Variants in MBD6 observed in about 807,000 individuals in gnomAD.
MBD6 encodes methyl-CpG binding domain protein 6.
A neutral mutation model predicts 66.8 loss-of-function variants in MBD6; 22 were observed. The ratio of observed to expected loss-of-function variants is 0.33; its 90% confidence interval spans 0.24 to 0.47. The LOEUF (loss-of-function observed/expected upper bound fraction) is 0.47. Among genes scored for constraint, MBD6 ranks in the 20% least tolerant of loss-of-function variants. The pLI is 1.00. For synonymous variants in MBD6, 540 were observed against 534.6 expected (o/e 1.01, Z -0.14); for missense variants, 1,322 against 1,286.9 (o/e 1.03, Z -0.42).
chr12:57,528,413 C>G lies in MBD6; in HGVS notation c.2673C>G (p.Leu891=). The G allele has an allele frequency of 6.2e-7, 1 of 1,613,282 alleles. No individual in the cohort carries two copies. Among genetic ancestry groups the G allele is most frequent in the African/African-American group, 1.3e-5 (1 of 75,054 alleles). The part of the protein sequence containing the change: ...GSRREPGRLA[L]KWGTRGGFNG... The stretch of plus-strand genomic sequence containing the variant: ...GGCGGGAGCCTGGCCGACTGGCCCT[C>G]AAATGGGGGACACGTGGTGGCTTCA... The change falls in exon 10 of 13, where the codon CTC becomes CTG. Residue 891 remains leucine (L), a synonymous_variant. Transcript: ENST00000355673.
intron 4 of MBD6, 45 bp from the exon 5 acceptor site, chr12:57,524,908 G>C: frequency 1.2e-6 from 2 of 1,605,760 alleles, no homozygotes; most frequent in South Asian, 1.1e-5. Context: ...CCTTCTCACA[G>C]GTTCCAGCCC....
Position 57,525,638 on chromosome 12 carries a change from G to C in MBD6, c.670G>C (p.Ala224Pro), listed in dbSNP as rs942203885. Residue 224 changes from alanine (A) to proline (P), a missense_variant, in exon 6 of 13, where the codon GCT becomes CCT. Ala to Pro is a conservative substitution (Grantham distance 27). Coordinates refer to ENST00000355673, the MANE Select transcript of MBD6 (RefSeq NM_052897.4). ...TCCTCCACCTGCTATCAGCCTCAATGCTCCCTCATACAACTGGGGAGCTGC... is the reference window on the plus strand; with the variant it reads ...TCCTCCACCTGCTATCAGCCTCAATCCTCCCTCATACAACTGGGGAGCTGC... ...PPPPPAISLN[A>P]PSYNWGAALR... The C allele has an allele frequency of 6.2e-6, 10 of 1,613,550 alleles. No individual in the cohort carries two copies. Among genetic ancestry groups the C allele is most frequent in the South Asian group, 5.5e-5 (5 of 91,064 alleles).
In MBD6 at chr12:57,525,124, T is replaced by C; in HGVS notation, c.379+9T>C. The C allele has an allele frequency of 6.2e-7, 1 of 1,603,366 alleles. No homozygotes were observed. The highest frequency in any genetic ancestry group is 8.5e-7 in the Non-Finnish European group (1 of 1,176,994). On this transcript the variant is annotated intron_variant, in intron 5 of 12. Transcript: ENST00000355673. Reference sequence around the variant, plus strand: ...CTCACACTCTTCTCCTGGTGAGTCTTCTGCCACTTTACAGAAGACCGAGGA... The same window carrying C: ...CTCACACTCTTCTCCTGGTGAGTCTCCTGCCACTTTACAGAAGACCGAGGA...
intron 7 of MBD6, 91 bp downstream of exon 7, chr12:57,527,318 C>T: frequency 8.9e-7 from 1 of 1,118,714 alleles, no homozygotes; most frequent in Non-Finnish European, 1.3e-6. Flanking sequence ...CATTCCTGAG[C>T]TCTTCCTTGG....
At position 57,526,972 on chromosome 12, in the gene MBD6, CCTT is replaced by C; in HGVS notation, c.1832_1834del (p.Leu611del). The C allele has an allele frequency of 3.7e-6, 6 of 1,613,780 alleles. No homozygotes were observed. The highest frequency in any genetic ancestry group is 1.7e-4 in the Middle Eastern group (1 of 6,060). On this transcript the variant is annotated inframe_deletion, in exon 7 of 13. Coordinates refer to ENST00000355673, the MANE Select transcript of MBD6 (RefSeq NM_052897.4). Reference sequence around the variant, plus strand: ...CCTTGCTTCCTCCACCACCCTCAGACCTTCTTCCACCTCCTTCAGCACCTCCCA... The same window carrying C: ...CCTTGCTTCCTCCACCACCCTCAGACCTTCCACCTCCTTCAGCACCTCCCA...
In MBD6 at chr12:57,529,212, A is replaced by G. The variant is rs199628867; in HGVS notation, c.2990A>G (p.Lys997Arg). ...RARPGRPAKNKRRKLAP is the reference protein window; with the variant it reads ...RARPGRPAKNRRRKLAP Reference sequence around the variant, plus strand: ...CGCCCTGGCCGTCCTGCCAAAAACAAGAGGAGGAAACTGGCCCCATAGCAG... The same window carrying G: ...CGCCCTGGCCGTCCTGCCAAAAACAGGAGGAGGAAACTGGCCCCATAGCAG... Residue 997 changes from lysine to arginine, a missense_variant, in exon 13 of 13, where the codon AAG becomes AGG. Lys to Arg is a conservative substitution (Grantham distance 26). Coordinates refer to ENST00000355673, the MANE Select transcript of MBD6 (RefSeq NM_052897.4). The G allele has an allele frequency of 7.1e-5, 114 of 1,613,852 alleles. 1 individual carries two copies. The highest frequency in any genetic ancestry group is 4.9e-5 in the Non-Finnish European group (58 of 1,179,964).
chr12:57,522,749 T>TGCGGCGGCGGCG (rs1878459098), upstream of MBD6: 1 of 66,026 alleles, frequency 1.5e-5, no homozygotes, highest in Non-Finnish European at 3.1e-5. Flanking sequence ...CGGCGGCGGC[T>TGCGGCGGCGGCG]GCGGCAGCGA....
Position 57,527,109 on chromosome 12 carries a change from G to C in MBD6, c.1964G>C (p.Gly655Ala), listed in dbSNP as rs142613041. Residue 655 changes from glycine to alanine, a missense_variant, in exon 7 of 13, where the codon GGC becomes GCC. Coordinates refer to ENST00000355673, the MANE Select transcript of MBD6 (RefSeq NM_052897.4). Reference sequence around the variant, plus strand: ...GGTCCAAGTGGGGAGCCATTTTCAGGCTTGGGAGACCTGTCCCCCCTACTT... The same window carrying C: ...GGTCCAAGTGGGGAGCCATTTTCAGCCTTGGGAGACCTGTCCCCCCTACTT... ...AGGPSGEPFS[G>A]LGDLSPLLFP... The C allele has an allele frequency of 3.2e-4, 510 of 1,591,126 alleles. No homozygotes were observed. Among genetic ancestry groups the C allele is most frequent in the Non-Finnish European group, 4.2e-4 (495 of 1,166,614 alleles).
rs201065336 is a variant in MBD6, at chr12:57,527,128, C to T, written c.1983C>T (p.Pro661=). ...EPFSGLGDLS[P]LLFPPLSAPP... Reference sequence around the variant, plus strand: ...TTTCAGGCTTGGGAGACCTGTCCCCCCTACTTTTCCCCCCACTTTCAGCCC... The same window carrying T: ...TTTCAGGCTTGGGAGACCTGTCCCCTCTACTTTTCCCCCCACTTTCAGCCC... The change falls in exon 7 of 13, where the codon CCC becomes CCT. Residue 661 remains proline (P), a synonymous_variant. Transcript: ENST00000355673. 7.8e-6 allele frequency: 12 copies of T among 1,534,840 alleles called. No homozygotes were observed. The highest frequency in any genetic ancestry group is 1.1e-5 in the Non-Finnish European group (12 of 1,128,338).
At chr12:57,521,963 T>G (rs947898819), upstream of MBD6, 1 of 152,094 alleles carries the variant, frequency 6.6e-6, no homozygotes, top group African/African-American at 2.4e-5. Flanking sequence ...ATAAAAGTTG[T>G]GAAGGTAAAA....
chr12:57,522,774 G>T (rs1194467333), upstream of MBD6: 2 of 159,306 alleles, frequency 1.3e-5, no homozygotes, highest in Admixed American at 6.6e-5. Context: ...GGCGGCGGCA[G>T]CGGCAGCAGC....
In MBD6 at chr12:57,529,346, C is replaced by A; in HGVS notation, c.*112C>A. The A allele has an allele frequency of 9.9e-7, 1 of 1,006,022 alleles. No homozygotes were observed. The highest frequency in any genetic ancestry group is 1.5e-6 in the Non-Finnish European group (1 of 666,576). 62.3% of individuals were successfully genotyped at this position (1,006,022 alleles called of 1,614,324 possible). A position where few individuals can be genotyped will look rare whatever the true frequency, so the allele number is the denominator to read the frequency against. The stretch of plus-strand genomic sequence containing the variant: ...GGACAGTGGGTGGGGGCACTACTCC[C>A]CACTCAGAGCACAAATGCAACTCCT... On this transcript the variant is annotated 3_prime_UTR_variant, in exon 13 of 13. Coordinates refer to ENST00000355673, the MANE Select transcript of MBD6 (RefSeq NM_052897.4).
At position 57,526,834 on chromosome 12, in the gene MBD6, G is replaced by A; in HGVS notation, c.1689G>A (p.Val563=). 6.2e-7 allele frequency: 1 copy of A among 1,613,386 alleles called. No homozygotes were observed. The highest frequency in any genetic ancestry group is 8.5e-7 in the Non-Finnish European group (1 of 1,179,682). ...TGCTCAACCACAGTTTATTTGGTGTGCTGACTGGGGGAGGAGGACAACCTC... is the reference window on the plus strand; with the variant it reads ...TGCTCAACCACAGTTTATTTGGTGTACTGACTGGGGGAGGAGGACAACCTC... ...SPLLNHSLFG[V]LTGGGGQPPP... The change falls in exon 7 of 13, where the codon GTG becomes GTA. Residue 563 remains valine, a synonymous_variant. Transcript: ENST00000355673.
At chr12:57,528,123 G>C in intron 9 of MBD6, 24 bp from the exon 10 acceptor site, 1 of 1,566,012 alleles carries the variant, frequency 6.4e-7, no homozygotes, top group Non-Finnish European at 8.6e-7. Flanking sequence ...GAGATTGACT[G>C]AGAACTTATT....
chr12:57,522,343 ACCTGGGGAGGCGGGTCAAGTC>A (rs1878407481), upstream of MBD6, among the ~76,000 whole-genome samples: 1 of 152,112 alleles, frequency 6.6e-6, no homozygotes, highest in Admixed American at 6.5e-5. Flanking sequence ...TGACATGTTG[ACCTGGGGAGGCGGGTCAAGTC>A]CCAGCACACT....
chr12:57,524,636 C>T (rs765830356), intron 3 of MBD6, 84 bp from the exon 4 acceptor site: 13 of 1,286,606 alleles, frequency 1.0e-5, no homozygotes, highest in Non-Finnish European at 1.5e-5. Context: ...CTAGGAGGAT[C>T]TGTAACTTAA....
In MBD6 at chr12:57,526,686, G is replaced by A. The variant is rs1235430598; in HGVS notation, c.1541G>A (p.Gly514Asp). 6.5e-7 allele frequency: 1 copy of A among 1,531,446 alleles called. No individual in the cohort carries two copies. Among genetic ancestry groups the A allele is most frequent in the African/African-American group, 1.4e-5 (1 of 72,114 alleles). The allele number at this position is 1,531,446 out of a possible 1,614,324, so 94.9% of individuals were successfully genotyped here. The change falls in exon 7 of 13, where the codon GGT becomes GAT. Residue 514 changes from glycine to aspartate, a missense_variant. Gly to Asp is a moderately conservative substitution (Grantham distance 94, BLOSUM62 -1). Transcript: ENST00000355673. ...GCCTGCCCTCTGCCTCCCCTGGCTG[G>A]TGGAGAGGCTTTCCCTTTCCCCAGC... is the stretch of plus-strand genomic sequence containing the variant. ...GPACPLPPLAGGEAFPFPSPE... is the reference protein window; with the variant it reads ...GPACPLPPLADGEAFPFPSPE...
Position 57,526,550 on chromosome 12 carries a change from C to T in MBD6, c.1421-16C>T, listed in dbSNP as rs555416982. The T allele has an allele frequency of 6.0e-6, 9 of 1,511,398 alleles. No individual in the cohort carries two copies. The South Asian group carries it at 9.5e-5, about 16-fold the overall frequency. 93.6% of individuals were successfully genotyped at this position (1,511,398 alleles called of 1,614,324 possible). A position where few individuals can be genotyped will look rare whatever the true frequency, so the allele number is the denominator to read the frequency against. On this transcript the variant is annotated splice_polypyrimidine_tract_variant and intron_variant, in intron 6 of 12. Transcript: ENST00000355673. ...AAAGGGCCTCCCTTGAGCTGAATTT[C>T]TCTCCTCTTTTACAGGTGCCCCTGC...
At chr12:57,528,103 G>C (rs780400666) in intron 9 of MBD6, 44 bp from the exon 10 acceptor site, 1 of 1,548,174 alleles carries the variant, frequency 6.5e-7, no homozygotes, top group South Asian at 1.3e-5. Context: ...GTAGAAGAGG[G>C]ACGGTATTTG....
Sources: gnomAD v4.1 joint callset for allele counts (sites outside exome capture counted in the v4.1 genomes callset) on GRCh38, gnomAD v4.1.1 for gene constraint, MANE v1.5 for transcripts, NCBI Gene and HGNC (gene_info 2026-07-23, HGNC 2026-07-21) for gene names.